Variants in PDXDC1 observed in about 807,000 individuals in gnomAD.
PDXDC1 encodes the protein pyridoxal dependent decarboxylase domain containing 1, also known as pyridoxal-dependent decarboxylase domain-containing protein 1.
PDXDC1 carries 42 observed loss-of-function variants against 100.1 expected under a neutral mutation model. The ratio of observed to expected loss-of-function variants is 0.42; its 90% CI spans 0.33 to 0.54. The LOEUF is 0.54. PDXDC1 is among the 20% of genes least tolerant of loss of function. PDXDC1 has a pLI of 0.10. For missense variants in PDXDC1, 636 were observed against 979.2 expected (o/e 0.65, Z 4.68); for synonymous variants, 260 against 371.7 (o/e 0.70, Z 3.46).
chr16:15,135,907 C>T (rs970836136), intron 16 of PDXDC1: 214 of 1,584,620 alleles, frequency 1.4e-4, no homozygotes, highest in Middle Eastern at 6.8e-4. Flanking sequence ...GCGCCAGCCG[C>T]GGCAGCACCA....
chr16:15,148,738 G>T, the PDXDC1 span, among the ~76,000 whole-genome samples: 1 of 151,940 alleles, frequency 6.6e-6, no homozygotes, highest in Non-Finnish European at 1.5e-5. Flanking sequence ...GTATGATCTG[G>T]ATGCAAGCCG....
rs369050181 is a variant in PDXDC1, at chr16:15,065,744, T to C, written c.1399+35688T>C. On this transcript the variant is annotated intron_variant, in intron 16 of 16. Transcript: ENST00000535621. ...ACTATAGGTGTCTTTATTTTTACTGTTTGCAAAAGAATTAGAAGGTTGGTG... is the reference window on the plus strand; with the variant it reads ...ACTATAGGTGTCTTTATTTTTACTGCTTGCAAAAGAATTAGAAGGTTGGTG... 5.9e-5 allele frequency among the ~76,000 whole-genome samples: 9 copies of C among 152,136 alleles called. No homozygotes were observed. In the East Asian group the frequency reaches 7.7e-4, roughly 13 times the overall value.
chr16:15,030,035 A>C lies in PDXDC1; in HGVS notation c.1378A>C (p.Ser460Arg). Residue 460 changes from serine to arginine, a missense_variant, in exon 16 of 23, where the codon AGC becomes CGC. By Grantham distance (110) the Ser-to-Arg change is moderately radical. This residue lies in a region of PDXDC1 where 15 missense variants were observed against 49.6 expected (regional missense o/e 0.30). Transcript: ENST00000396410. The stretch of plus-strand genomic sequence containing the variant: ...AGCTGAGGGCACGTGTTTGCGGTTC[A>C]GCCCTTTGATGACCGCAGCAGGTAA... ...LEAEGTCLRFSPLMTAAVLGT... is the reference protein window; with the variant it reads ...LEAEGTCLRFRPLMTAAVLGT... The C allele has an allele frequency of 6.4e-7, 1 of 1,553,962 alleles. No homozygotes were observed. Among genetic ancestry groups the C allele is most frequent in the Non-Finnish European group, 8.7e-7 (1 of 1,148,116 alleles).
downstream of PDXDC1, among the ~76,000 whole-genome samples, chr16:15,143,619 G>A (rs1206618659): frequency 2.0e-5 from 3 of 152,222 alleles, no homozygotes; most frequent in South Asian, 2.1e-4. Flanking sequence ...GGCAGGGCCC[G>A]GGAAGTCTTG....
chr16:14,999,536 C>G (rs1972709954), intron 3 of PDXDC1, among the ~76,000 whole-genome samples: 1 of 152,220 alleles, frequency 6.6e-6, no homozygotes, highest in Non-Finnish European at 1.5e-5. Flanking sequence ...TGGCGAGACC[C>G]TATCAAATAA....
At chr16:15,079,830 C>G (rs1399123622) in intron 16 of PDXDC1, among the ~76,000 whole-genome samples, 1 of 152,166 alleles carries the variant, frequency 6.6e-6, no homozygotes, top group African/African-American at 2.4e-5. Flanking sequence ...CTCCTGACCT[C>G]AGGTGATCTG....
At chr16:15,047,743 G>T in intron 16 of PDXDC1, 2 of 1,014,012 alleles carry the variant, frequency 2.0e-6, no homozygotes, top group Non-Finnish European at 3.1e-6. Flanking sequence ...CAGAAAAAAG[G>T]TAAGCGGAGT....
At chr16:15,057,364 T>A (rs1409320170) in intron 16 of PDXDC1, among the ~76,000 whole-genome samples, 1 of 152,154 alleles carries the variant, frequency 6.6e-6, no homozygotes, top group East Asian at 1.9e-4. Flanking sequence ...TATCAACACC[T>A]CATTTGTCAT....
At chr16:15,005,286 C>T (rs1350893293) in intron 5 of PDXDC1, among the ~76,000 whole-genome samples, 1 of 139,610 alleles carries the variant, frequency 7.2e-6, no homozygotes, top group Non-Finnish European at 1.5e-5. Flanking sequence ...GCCTGGGCGA[C>T]AGAGTGAGAC....
intron 16 of PDXDC1, chr16:15,133,100 G>T: frequency 3.2e-6 from 2 of 617,458 alleles, no homozygotes; most frequent in Non-Finnish European, 5.7e-6. Context: ...GGGCCCGGTG[G>T]GTGTGGCTGC....
chr16:15,023,687 AG>A (rs2042371559), intron 13 of PDXDC1, among the ~76,000 whole-genome samples: 1 of 152,384 alleles, frequency 6.6e-6, no homozygotes, highest in South Asian at 2.1e-4. Context: ...GTTTGGTTGA[AG>A]GGGGTGTGGC....
At chr16:15,141,115 G>A (rs924171644), downstream of PDXDC1, among the ~76,000 whole-genome samples, 9 of 132,942 alleles carry the variant, frequency 6.8e-5, no homozygotes, top group South Asian at 7.5e-4. Context: ...CTGAGCACCC[G>A]CCCAGCCCCT....
chr16:15,129,943 A>T (rs2151912633), intron 16 of PDXDC1: 1 of 1,422,504 alleles, frequency 7.0e-7, no homozygotes, highest in East Asian at 2.4e-5. Context: ...CCCGCTGCCC[A>T]CAGAAGGGGA....
chr16:15,099,674 G>A (rs1157291385), intron 16 of PDXDC1, among the ~76,000 whole-genome samples: 1 of 151,988 alleles, frequency 6.6e-6, no homozygotes, highest in African/African-American at 2.4e-5. Context: ...ACAACAAAAA[G>A]CATGCAAGGA....
At chr16:15,144,878 C>G in the PDXDC1 span, among the ~76,000 whole-genome samples, 1 of 152,192 alleles carries the variant, frequency 6.6e-6, no homozygotes. Context: ...GCGCTTCATA[C>G]GTATGCCACC....
At chr16:15,005,289 AG>A (rs1174285700) in intron 5 of PDXDC1, among the ~76,000 whole-genome samples, 1 of 148,638 alleles carries the variant, frequency 6.7e-6, no homozygotes, top group Non-Finnish European at 1.5e-5. Context: ...TGGGCGACAG[AG>A]TGAGACTCTG....
At chr16:14,976,174 C>CCTCAAA (rs1177839402) in intron 1 of PDXDC1, among the ~76,000 whole-genome samples, 1 of 152,294 alleles carries the variant, frequency 6.6e-6, no homozygotes, top group African/African-American at 2.4e-5. Context: ...TTCTGCCCTC[C>CCTCAAA]CTCAAAGCCC....
chr16:15,023,317 A>G (rs1444736091), intron 13 of PDXDC1, among the ~76,000 whole-genome samples: 8 of 152,292 alleles, frequency 5.3e-5, no homozygotes, highest in Non-Finnish European at 8.8e-5. Flanking sequence ...CAGGTTTGAA[A>G]GTTTTTGTGT....
At chr16:15,064,331 C>T (rs2044861215) in intron 16 of PDXDC1, among the ~76,000 whole-genome samples, 1 of 152,120 alleles carries the variant, frequency 6.6e-6, no homozygotes, top group Non-Finnish European at 1.5e-5. Flanking sequence ...GCCACCACCA[C>T]ACCCAGCTAA....
Sources: gnomAD v4.1 joint callset for allele counts (sites outside exome capture counted in the v4.1 genomes callset) on GRCh38, gnomAD v4.1.1 for gene constraint, gnomAD v4.1.1 regional missense constraint, MANE v1.5 for transcripts, NCBI Gene and HGNC (gene_info 2026-07-23, HGNC 2026-07-21) for gene names.